RAN: variants seen among roughly 807,000 people sequenced by gnomAD.
RAN encodes GTP-binding nuclear protein Ran.
RAN carries 2 observed loss-of-function variants against 26.8 expected under a neutral mutation model. That is an observed-to-expected ratio of 0.07 (90% CI 0.03 to 0.23). RAN has a LOEUF of 0.23. Among genes scored for constraint, RAN ranks in the 10% least tolerant of loss-of-function variants. The probability of loss-of-function intolerance (pLI) is 1.00; values close to 1 mark genes in which losing one functional copy is unlikely to be tolerated. For synonymous variants in RAN, 132 were observed against 95.9 expected, an observed-to-expected ratio of 1.38 and a Z score of -2.20; for missense variants, 56 against 264.8, an observed-to-expected ratio of 0.21 and a Z score of 5.47.
At chr12:130,873,236 TAAA>T (rs1469833292) in intron 4 of RAN, 108 bp downstream of exon 4, 3 of 1,461,708 alleles carry the variant, frequency 2.1e-6, no homozygotes, top group East Asian at 4.6e-5. Flanking sequence ...ATTTTTGGGT[TAAA>T]AAAAGACAAG....
At position 130,876,624 on chromosome 12, in the gene RAN, T is replaced by C. The variant is rs2136404826; in HGVS notation, c.*698T>C. ...CCTGTCAGAATAAAAATGTGGTTTG[T>C]ACATATCAAATAGATATTTTAAGGG... is the stretch of plus-strand genomic sequence containing the variant. On this transcript the variant is annotated 3_prime_UTR_variant, in exon 7 of 7. Coordinates refer to ENST00000543796, the MANE Select transcript of RAN (RefSeq NM_006325.5). 6.6e-6 allele frequency: 1 copy of C among 152,394 alleles called. No individual in the cohort carries two copies. The highest frequency in any genetic ancestry group is 1.5e-5 in the Non-Finnish European group (1 of 68,054). The allele number at this position is 152,394 out of a possible 1,614,324, so 9.4% of individuals were successfully genotyped here. A position where few individuals can be genotyped will look rare whatever the true frequency, so the allele number is the denominator to read the frequency against.
chr12:130,872,930 G>A lies in RAN; in HGVS notation c.121+10G>A. ...GAGAAGAAGTATGTAGGTATGTGCT[G>A]GAAAACCTTGCTTGTGGAAATATGT... On this transcript the variant is annotated intron_variant, in intron 3 of 6. Transcript: ENST00000543796. The A allele has an allele frequency of 6.2e-7, 1 of 1,614,232 alleles. No homozygotes were observed. Among genetic ancestry groups the A allele is most frequent in the Non-Finnish European group, 8.5e-7 (1 of 1,180,034 alleles).
intron 2 of RAN, 44 bp downstream of exon 2, chr12:130,872,673 T>G: frequency 6.5e-7 from 1 of 1,526,892 alleles, no homozygotes; most frequent in African/African-American, 1.4e-5. Context: ...CCCGACCGCG[T>G]GCGACTCGCG....
intron 2 of RAN, 63 bp downstream of exon 2, chr12:130,872,692 C>G (rs1188801497): frequency 2.6e-6 from 4 of 1,540,554 alleles, no homozygotes; most frequent in Non-Finnish European, 3.5e-6. Flanking sequence ...CGGGTCCCTC[C>G]TCCTGGGGCC....
chr12:130,877,050 C>CTTTT lies in RAN; in HGVS notation c.*1135_*1138dup, dbSNP rs767255011. On this transcript the variant is annotated 3_prime_UTR_variant, in exon 7 of 7. Coordinates refer to ENST00000543796, the MANE Select transcript of RAN (RefSeq NM_006325.5). ...CAGTAATGGAGAACAGTTGGTGAAACTTTTTTTTTTTTTTAACTAAGCATT... is the reference window on the plus strand; with the variant it reads ...CAGTAATGGAGAACAGTTGGTGAAACTTTTTTTTTTTTTTTTTTAACTAAGCATT... 21 of 143,342 alleles carry CTTTT rather than the reference C, an allele frequency of 1.5e-4. No individual in the cohort carries two copies. Among genetic ancestry groups the CTTTT allele is most frequent in the Non-Finnish European group, 2.9e-4 (19 of 65,272 alleles). 8.9% of individuals were successfully genotyped at this position (143,342 alleles called of 1,614,324 possible). A position where few individuals can be genotyped will look rare whatever the true frequency, so the allele number is the denominator to read the frequency against.
In RAN at chr12:130,875,929, A is replaced by T; in HGVS notation, c.*3A>T. 2 of 1,614,014 alleles carry T rather than the reference A, an allele frequency of 1.2e-6. No homozygotes were observed. Among genetic ancestry groups the T allele is most frequent in the Non-Finnish European group, 1.7e-6 (2 of 1,179,964 alleles). ...CGGATGAGGATGATGACCTGTGAGAATGAAGCTGGAGCCCAGCGTCAGAAG... is the reference window on the plus strand; with the variant it reads ...CGGATGAGGATGATGACCTGTGAGATTGAAGCTGGAGCCCAGCGTCAGAAG... On this transcript the variant is annotated 3_prime_UTR_variant, in exon 7 of 7. Coordinates refer to ENST00000543796, the MANE Select transcript of RAN (RefSeq NM_006325.5).
At chr12:130,874,431 C>G (rs1362984262) in intron 4 of RAN, 115 bp from the exon 5 acceptor site, 3 of 725,790 alleles carry the variant, frequency 4.1e-6, no homozygotes, top group Non-Finnish European at 6.6e-6. Flanking sequence ...GGGAGAGATA[C>G]AGGTGACTCG....
intron 2 of RAN, 58 bp from the exon 3 acceptor site, chr12:130,872,778 C>T: frequency 2.5e-6 from 4 of 1,598,896 alleles, no homozygotes; most frequent in East Asian, 2.2e-5. Context: ...TTCCGTGACT[C>T]TGGGATCTTG....
chr12:130,872,606 G>A lies in RAN; in HGVS notation c.13G>A (p.Gly5Arg). 6.6e-7 allele frequency: 1 copy of A among 1,525,244 alleles called. No individual in the cohort carries two copies. Among genetic ancestry groups the A allele is most frequent in the Non-Finnish European group, 8.8e-7 (1 of 1,140,064 alleles). 94.5% of individuals were successfully genotyped at this position (1,525,244 alleles called of 1,614,324 possible). The change falls in exon 2 of 7, where the codon GGA becomes AGA. Residue 5 changes from glycine (G) to arginine (R), a missense_variant. By Grantham distance (125) the Gly-to-Arg change is moderately radical (BLOSUM62 -2). Around this residue, in one of 2 missense-constraint regions of RAN, gnomAD observed 17 missense variants for 16.1 expected, o/e 1.05. Transcript: ENST00000543796. ...CAGGAACGCCGCGATGGCTGCGCAG[G>A]GAGAGCCCCAGGTCCAGTTCAAAGT... MAAQ[G>R]EPQVQFKLVL...
intron 5 of RAN, 70 bp from the exon 6 acceptor site, chr12:130,875,542 G>T (rs1392090835): frequency 1.5e-6 from 2 of 1,337,628 alleles, no homozygotes; most frequent in Middle Eastern, 2.7e-4. Flanking sequence ...TTCTTATCTT[G>T]CAATGTCCTA....
chr12:130,873,246 C>T lies in RAN; in HGVS notation c.247+118C>T. 5.7e-6 allele frequency: 8 copies of T among 1,396,866 alleles called. No individual in the cohort carries two copies. In the South Asian group the frequency reaches 6.8e-5, roughly 12 times the overall value. 86.5% of individuals were successfully genotyped at this position (1,396,866 alleles called of 1,614,324 possible). A position where few individuals can be genotyped will look rare whatever the true frequency, so the allele number is the denominator to read the frequency against. ...GTGTCATTTTTGGGTTAAAAAAAGACAAGTGGACTTCGGGGAGTTGACCAC... is the reference window on the plus strand; with the variant it reads ...GTGTCATTTTTGGGTTAAAAAAAGATAAGTGGACTTCGGGGAGTTGACCAC... On this transcript the variant is annotated intron_variant, in intron 4 of 6. Coordinates refer to ENST00000543796, the MANE Select transcript of RAN (RefSeq NM_006325.5).
At chr12:130,875,531 TTTC>T (rs1337389314) in intron 5 of RAN, 78 bp from the exon 6 acceptor site, 2 of 1,292,506 alleles carry the variant, frequency 1.5e-6, no homozygotes, top group East Asian at 5.0e-5. Flanking sequence ...ATCTTAACAT[TTTC>T]TTATCTTGCA....
rs140721584 is a variant in RAN, at chr12:130,875,596, C to T, written c.436-16C>T. The stretch of plus-strand genomic sequence containing the variant: ...TAATGAATTTTAAAAAGTAATTTTA[C>T]CTTTCTTTTAAACAGTACTACGACA... On this transcript the variant is annotated splice_polypyrimidine_tract_variant and intron_variant, in intron 5 of 6. Coordinates refer to ENST00000543796, the MANE Select transcript of RAN (RefSeq NM_006325.5). The T allele has an allele frequency of 2.0e-6, 3 of 1,536,936 alleles. No individual in the cohort carries two copies. Among genetic ancestry groups the T allele is most frequent in the East Asian group, 2.3e-5 (1 of 44,096 alleles).
At chr12:130,875,065 A>T (rs1953213614) in intron 5 of RAN, among the ~76,000 whole-genome samples, 1 of 152,114 alleles carries the variant, frequency 6.6e-6, no homozygotes, top group Non-Finnish European at 1.5e-5. Context: ...ACCTCAAGTG[A>T]TCCACTTGCC....
chr12:130,875,009 GA>G (rs1358571407), intron 5 of RAN, among the ~76,000 whole-genome samples: 1 of 152,038 alleles, frequency 6.6e-6, no homozygotes, highest in Non-Finnish European at 1.5e-5. Context: ...TTTTCTAGTA[GA>G]GACGGGGTTT....
Position 130,875,671 on chromosome 12 carries a change from T to C in RAN, c.495T>C (p.Ala165=). 1.2e-6 allele frequency: 2 copies of C among 1,613,720 alleles called. No homozygotes were observed. The highest frequency in any genetic ancestry group is 1.7e-5 in the Admixed American group (1 of 59,950). The part of the protein sequence containing the change: ...YNFEKPFLWL[A]RKLIGDPNLE... ...TTGAAAAGCCCTTCCTCTGGCTTGC[T>C]AGGAAGCTCATTGGAGACCCTAACT... Residue 165 remains alanine (A), a synonymous_variant, in exon 6 of 7, where the codon GCT becomes GCC. Coordinates refer to ENST00000543796, the MANE Select transcript of RAN (RefSeq NM_006325.5).
At chr12:130,874,112 G>A (rs1250210208) in intron 4 of RAN, 1 of 270,284 alleles carries the variant, frequency 3.7e-6, no homozygotes, top group South Asian at 3.1e-5. Context: ...GCCTCTCAAA[G>A]TGCTGGGATT....
intron 4 of RAN, 147 bp downstream of exon 4, chr12:130,873,275 T>A: frequency 9.3e-7 from 1 of 1,076,260 alleles, no homozygotes; most frequent in Non-Finnish European, 1.3e-6. Context: ...TGACCACCAT[T>A]TTGGTGGCAG....
In RAN at chr12:130,876,100, A is replaced by T; in HGVS notation, c.*174A>T. On this transcript the variant is annotated 3_prime_UTR_variant, in exon 7 of 7. Transcript: ENST00000543796. ...TTCGGAGTGAATGTGGCAGTTTAAA[A>T]AATAACTTCATTGTTTGGACCTGCA... 1 of 674,998 alleles carries T rather than the reference A, an allele frequency of 1.5e-6. No homozygotes were observed. Among genetic ancestry groups the T allele is most frequent in the Non-Finnish European group, 2.5e-6 (1 of 403,726 alleles). 41.8% of individuals were successfully genotyped at this position (674,998 alleles called of 1,614,324 possible). A position where few individuals can be genotyped will look rare whatever the true frequency, so the allele number is the denominator to read the frequency against.
Sources: gnomAD v4.1 joint callset for allele counts (sites outside exome capture counted in the v4.1 genomes callset) on GRCh38, gnomAD v4.1.1 for gene constraint, gnomAD v4.1.1 regional missense constraint, MANE v1.5 for transcripts, NCBI Gene and HGNC (gene_info 2026-07-23, HGNC 2026-07-21) for gene names.